Variants in FAM120A observed in about 807,000 individuals in gnomAD.
The protein encoded by FAM120A is constitutive coactivator of PPAR-gamma-like protein 1.
In FAM120A, 15 loss-of-function variants were observed where a neutral mutation model predicts 109.7. That is an observed-to-expected ratio of 0.14 (90% CI 0.09 to 0.21). FAM120A has a LOEUF of 0.21. FAM120A is among the 10% of genes least tolerant of loss of function. The probability of loss-of-function intolerance (pLI) is 1.00; values close to 1 mark genes in which losing one functional copy is unlikely to be tolerated. For synonymous variants in FAM120A, 493 were observed against 572.8 expected (o/e 0.86, Z 1.99); for missense variants, 899 against 1,439.3 (o/e 0.62, Z 6.07).
At chr9:93,535,309 G>A (rs184666833) in intron 10 of FAM120A, among the ~76,000 whole-genome samples, 1 of 152,264 alleles carries the variant, frequency 6.6e-6, no homozygotes, top group Non-Finnish European at 1.5e-5. Context: ...GTAGAGATGG[G>A]GAGCCATTGA....
Position 93,500,963 on chromosome 9 carries a change from A to G in FAM120A, c.1030+2077A>G, listed in dbSNP as rs953753924. Among the ~76,000 whole-genome samples the G allele has an allele frequency of 6.6e-6, 1 of 152,270 alleles. No individual in the cohort carries two copies. Among genetic ancestry groups the G allele is most frequent in the Non-Finnish European group, 1.5e-5 (1 of 68,052 alleles). On this transcript the variant is annotated intron_variant, in intron 5 of 17. Coordinates refer to ENST00000277165, the MANE Select transcript of FAM120A (RefSeq NM_014612.5). The surrounding 1 kb of genome is among the most constrained non-coding windows in gnomAD (Gnocchi z 4.6). ...GCTTTAGTGAAGTACTTGTTCAGTC[A>G]TTCAATGCCCTTTTAGGTAATTCTG...
chr9:93,484,038 C>CTT (rs202025202), intron 3 of FAM120A, among the ~76,000 whole-genome samples: 8 of 144,414 alleles, frequency 5.5e-5, no homozygotes, highest in Non-Finnish European at 9.2e-5. Flanking sequence ...CTGTGTCTCT[C>CTT]TTTTTTTTTT....
At chr9:93,558,808 T>A (rs955409852) in intron 15 of FAM120A, 90 bp downstream of exon 15, 1 of 1,451,538 alleles carries the variant, frequency 6.9e-7, no homozygotes, top group African/African-American at 1.4e-5. Flanking sequence ...ACTGTCCTCA[T>A]GAGCCCCTCC....
At chr9:93,488,539 A>G (rs118140656) in intron 3 of FAM120A, among the ~76,000 whole-genome samples, 2,259 of 152,156 alleles carry the variant, frequency 0.015, 25 homozygotes, top group Non-Finnish European at 0.023. Context: ...ACCATGAAAT[A>G]TATTTCTCCA....
At position 93,452,102 on chromosome 9, in the gene FAM120A, A is replaced by G; in HGVS notation, c.187A>G (p.Thr63Ala). 1 of 1,609,790 alleles carries G rather than the reference A, an allele frequency of 6.2e-7. No homozygotes were observed. Among genetic ancestry groups the G allele is most frequent in the Non-Finnish European group, 8.5e-7 (1 of 1,179,204 alleles). ...CLHRLYGGFY[T>A]DWVSGGQWNH... The stretch of plus-strand genomic sequence containing the variant: ...GCACCGCCTCTACGGCGGCTTCTAC[A>G]CCGACTGGGTCAGCGGCGGCCAGTG... The change falls in exon 1 of 18, where the codon ACC (threonine) becomes GCC (alanine). Residue 63 changes from threonine (T) to alanine (A), a missense_variant. Around this residue, in one of 11 missense-constraint regions of FAM120A, gnomAD observed 258 missense variants for 451.4 expected, o/e 0.57. Transcript: ENST00000277165. The surrounding 1 kb of genome is among the most constrained non-coding windows in gnomAD (Gnocchi z 7.0).
chr9:93,502,224 G>A (rs1859832250), intron 5 of FAM120A, among the ~76,000 whole-genome samples: 1 of 151,952 alleles, frequency 6.6e-6, no homozygotes, highest in African/African-American at 2.4e-5. Context: ...TATGTGTAGA[G>A]TTTTGAAGAA....
At chr9:93,457,675 T>G (rs1247436956) in intron 1 of FAM120A, among the ~76,000 whole-genome samples, 1 of 152,196 alleles carries the variant, frequency 6.6e-6, no homozygotes, top group Non-Finnish European at 1.5e-5. Context: ...TTAAAAAAAT[T>G]ATTCCATTTT....
chr9:93,540,691 G>A (rs546134341), intron 10 of FAM120A, among the ~76,000 whole-genome samples: 2 of 152,302 alleles, frequency 1.3e-5, no homozygotes, highest in South Asian at 4.1e-4. Context: ...AATGTGGAGA[G>A]TTGTCGGAGC....
chr9:93,539,669 G>A (rs1861630291), intron 10 of FAM120A, among the ~76,000 whole-genome samples: 1 of 152,230 alleles, frequency 6.6e-6, no homozygotes, highest in South Asian at 2.1e-4. Context: ...TAAAAACTCA[G>A]ATTACTTTCT....
intron 3 of FAM120A, among the ~76,000 whole-genome samples, chr9:93,493,723 C>T (rs1261681529): frequency 6.6e-6 from 1 of 152,216 alleles, no homozygotes; most frequent in African/African-American, 2.4e-5. Context: ...GACCTGCCTC[C>T]CTCCTGGGGG....
At chr9:93,556,309 T>C (rs930952711) in intron 12 of FAM120A, 73 bp from the exon 13 acceptor site, 2 of 1,304,890 alleles carry the variant, frequency 1.5e-6, no homozygotes, top group African/African-American at 2.9e-5. Context: ...TTTGGAGAGT[T>C]TTACTAAGAC....
rs933216594 is a variant in FAM120A, at chr9:93,489,513, C to T, written c.805-7958C>T. ...ACAGCTGAAGCCACCTCTGGCCTACCTGCCTTTTCGTCCTAGGCTCTAGGC... is the reference window on the plus strand; with the variant it reads ...ACAGCTGAAGCCACCTCTGGCCTACTTGCCTTTTCGTCCTAGGCTCTAGGC... On this transcript the variant is annotated intron_variant, in intron 3 of 17. Transcript: ENST00000277165. 2.1e-4 allele frequency among the ~76,000 whole-genome samples: 32 copies of T among 152,206 alleles called. 1 individual carries two copies. The highest frequency in any genetic ancestry group is 2.6e-4 in the Admixed American group (4 of 15,286).
Position 93,539,002 on chromosome 9 carries a change from GT to G in FAM120A, c.1910-4207del, listed in dbSNP as rs142352504. Among the ~76,000 whole-genome samples the G allele has an allele frequency of 2.1e-3, 299 of 144,828 alleles. 2 individuals are homozygous for G. Among genetic ancestry groups the G allele is most frequent in the Middle Eastern group, 3.5e-3 (1 of 284 alleles). ...CCAGTAACATGTCAGCCCTAGAGTTGTTTTTTTTTTTTTGAGACGGAGTCTC... is the reference window on the plus strand; with the variant it reads ...CCAGTAACATGTCAGCCCTAGAGTTGTTTTTTTTTTTTGAGACGGAGTCTC... On this transcript the variant is annotated intron_variant, in intron 10 of 17. Coordinates refer to ENST00000277165, the MANE Select transcript of FAM120A (RefSeq NM_014612.5).
Position 93,498,972 on chromosome 9 carries a change from A to T in FAM120A, c.1030+86A>T. ...ATTCACCATATAATCTTGTAGGTTT[A>T]TGTTTTTGAAACATGATTTTCTGTA... On this transcript the variant is annotated intron_variant, in intron 5 of 17. Transcript: ENST00000277165. The surrounding 1 kb of genome is among the most constrained non-coding windows in gnomAD (Gnocchi z 4.4). The T allele has an allele frequency of 1.1e-6, 1 of 932,366 alleles. No individual in the cohort carries two copies. Among genetic ancestry groups the T allele is most frequent in the Non-Finnish European group, 1.7e-6 (1 of 579,944 alleles). The allele number at this position is 932,366 out of a possible 1,614,324, so 57.8% of individuals were successfully genotyped here. A position where few individuals can be genotyped will look rare whatever the true frequency, so the allele number is the denominator to read the frequency against.
chr9:93,524,764 A>G (rs1228304257), intron 7 of FAM120A, among the ~76,000 whole-genome samples: 2 of 152,148 alleles, frequency 1.3e-5, no homozygotes. Context: ...TTATCATTTT[A>G]TCATTAGAGA....
intron 1 of FAM120A, among the ~76,000 whole-genome samples, chr9:93,464,544 T>G (rs925847520): frequency 1.3e-5 from 2 of 152,218 alleles, no homozygotes; most frequent in Admixed American, 1.3e-4. Context: ...TATTGGACAC[T>G]AGCCCCCTCA....
At chr9:93,516,413 G>C in intron 7 of FAM120A, 144 bp downstream of exon 7, 1 of 1,046,964 alleles carries the variant, frequency 9.6e-7, no homozygotes, top group Non-Finnish European at 1.4e-6. Flanking sequence ...CTCAGATGGG[G>C]GCTCCTTGGA....
At chr9:93,487,717 G>C (rs1859126966) in intron 3 of FAM120A, among the ~76,000 whole-genome samples, 1 of 152,176 alleles carries the variant, frequency 6.6e-6, no homozygotes, top group Non-Finnish European at 1.5e-5. Context: ...CTGGGGTGAT[G>C]GGAATGTGAT....
At chr9:93,490,621 A>G (rs1211227651) in intron 3 of FAM120A, among the ~76,000 whole-genome samples, 3 of 152,266 alleles carry the variant, frequency 2.0e-5, no homozygotes, top group Non-Finnish European at 2.9e-5. Flanking sequence ...TAAAGATGTA[A>G]CCAAGAGTGA....
Sources: gnomAD v4.1 joint callset for allele counts (sites outside exome capture counted in the v4.1 genomes callset) on GRCh38, gnomAD v4.1.1 for gene constraint, gnomAD v4.1.1 regional missense constraint, Gnocchi (gnomAD v3.1) non-coding constraint, MANE v1.5 for transcripts, NCBI Gene and HGNC (gene_info 2026-07-23, HGNC 2026-07-21) for gene names.